Variants in TRIM67 observed in about 807,000 individuals in gnomAD.
TRIM67 encodes tripartite motif-containing protein 67.
TRIM67 carries 39 observed loss-of-function variants against 71.0 expected under a neutral mutation model. That is an observed-to-expected ratio of 0.55 (90% CI 0.43 to 0.72). The LOEUF (loss-of-function observed/expected upper bound fraction) is 0.72, where lower values mean the gene tolerates loss of function less well. Among genes scored for constraint, TRIM67 ranks in the 30% least tolerant of loss-of-function variants. The probability of loss-of-function intolerance (pLI) is 0.00; values close to 1 mark genes in which losing one functional copy is unlikely to be tolerated. For synonymous variants in TRIM67, 481 were observed against 473.9 expected, an observed-to-expected ratio of 1.01 and a Z score of -0.19; for missense variants, 973 against 1,079.2, an observed-to-expected ratio of 0.90 and a Z score of 1.38.
At chr1:231,208,527 G>A (rs921442739) in intron 7 of TRIM67, among the ~76,000 whole-genome samples, 1 of 151,866 alleles carries the variant, frequency 6.6e-6, no homozygotes, top group African/African-American at 2.4e-5. Flanking sequence ...GGCCAGGCTG[G>A]TCTCAAACCG....
intron 1 of TRIM67, among the ~76,000 whole-genome samples, chr1:231,167,930 C>T (rs894291532): frequency 1.3e-5 from 2 of 151,744 alleles, no homozygotes; most frequent in African/African-American, 4.8e-5. Context: ...ACTGTGATCA[C>T]AGGTAAAAAT....
At chr1:231,186,882 T>C (rs61163167) in intron 1 of TRIM67, among the ~76,000 whole-genome samples, 4,012 of 152,056 alleles carry the variant, frequency 0.026, 80 homozygotes, top group Middle Eastern at 0.082. Flanking sequence ...AAATGAAAGC[T>C]TGGATGATGG....
intron 1 of TRIM67, among the ~76,000 whole-genome samples, chr1:231,179,597 C>T (rs1228814793): frequency 6.6e-6 from 1 of 152,208 alleles, no homozygotes; most frequent in Non-Finnish European, 1.5e-5. Context: ...TGACCTTGAA[C>T]AGTAGGATAT....
rs1558303142 is a variant in TRIM67, at chr1:231,200,388, C to T, written c.1374+130C>T. 5 of 618,888 alleles carry T rather than the reference C, an allele frequency of 8.1e-6. No homozygotes were observed. In the East Asian group the frequency reaches 1.4e-4, roughly 17 times the overall value. 38.3% of individuals were successfully genotyped at this position (618,888 alleles called of 1,614,324 possible). ...GTAGATTCTCCTTTGTTCAATGATT[C>T]CAGAAGACCTAGGCTCTCACCTTGG... On this transcript the variant is annotated intron_variant, in intron 4 of 9. Coordinates refer to ENST00000366653, the MANE Select transcript of TRIM67 (RefSeq NM_001004342.5).
intron 1 of TRIM67, among the ~76,000 whole-genome samples, chr1:231,167,330 T>TAAGAGA (rs1558288826): frequency 1.5e-5 from 1 of 65,168 alleles, no homozygotes; most frequent in Non-Finnish European, 3.0e-5. Flanking sequence ...TTTTTTTTTT[T>TAAGAGA]TTTTTTTTTT....
rs755188751 is a variant in TRIM67, at chr1:231,163,765, G to A, written c.796G>A (p.Gly266Arg). 26 of 1,491,486 alleles carry A rather than the reference G, an allele frequency of 1.7e-5. No homozygotes were observed. In the South Asian group the frequency reaches 3.0e-4, roughly 17 times the overall value. 92.4% of individuals were successfully genotyped at this position (1,491,486 alleles called of 1,614,324 possible). Residue 266 changes from glycine to arginine, a missense_variant, in exon 1 of 10, where the codon GGG (glycine) becomes AGG (arginine). By Grantham distance (125) the Gly-to-Arg change is moderately radical (BLOSUM62 -2). Transcript: ENST00000366653. ...PPPPPAEAAS[G>R]PTGTAQGAPS... ...GCCGCCGCCCGCCGAGGCAGCCTCC[G>A]GGCCCACTGGCACCGCCCAGGGCGC...
intron 1 of TRIM67, among the ~76,000 whole-genome samples, chr1:231,168,277 G>A (rs553696832): frequency 2.6e-5 from 4 of 152,314 alleles, no homozygotes; most frequent in Admixed American, 2.0e-4. Context: ...CCTGACCAAC[G>A]TATATCATTT....
rs1045156661 is a variant in TRIM67, at chr1:231,212,943, GATA to G, written c.2124-869_2124-867del. Among the ~76,000 whole-genome samples the G allele has an allele frequency of 2.6e-4, 39 of 152,158 alleles. 1 individual carries two copies. The highest frequency in any genetic ancestry group is 8.9e-4 in the African/African-American group (37 of 41,416). ...ACGTTCCGCTATTGGTCACCTGAGG[GATA>G]ATGACTGCGACAGAGGACTTGATTT... On this transcript the variant is annotated intron_variant, in intron 8 of 9. Coordinates refer to ENST00000366653, the MANE Select transcript of TRIM67 (RefSeq NM_001004342.5).
At position 231,218,761 on chromosome 1, in the gene TRIM67, C is replaced by A. The variant is rs1325708166; in HGVS notation, c.*3321C>A. On this transcript the variant is annotated 3_prime_UTR_variant, in exon 10 of 10. Transcript: ENST00000366653. ...AACAGCGCCCTAGGTGCCCTATGGC[C>A]CACCAAGTTTGAGGAGGGTGGTGCT... 1.2e-5 allele frequency: 12 copies of A among 985,412 alleles called. No homozygotes were observed. The East Asian group carries it at 1.2e-3, about 102-fold the overall frequency. The allele number at this position is 985,412 out of a possible 1,614,324, so 61.0% of individuals were successfully genotyped here.
chr1:231,189,287 A>G (rs934638376), intron 1 of TRIM67, among the ~76,000 whole-genome samples: 10 of 152,286 alleles, frequency 6.6e-5, no homozygotes, highest in African/African-American at 2.4e-4. Context: ...GCCTCCAAGG[A>G]CGACATCCAT....
In TRIM67 at chr1:231,221,363, C is replaced by A. The variant is rs3795652; in HGVS notation, c.*5923C>A. On this transcript the variant is annotated 3_prime_UTR_variant, in exon 10 of 10. Coordinates refer to ENST00000366653, the MANE Select transcript of TRIM67 (RefSeq NM_001004342.5). ...GTTCCACTGAAAACACGGGGGGTAG[C>A]GGGGAGTGGTAAGGAAAGCAACTTT... The A allele has an allele frequency of 1.3e-5, 2 of 152,258 alleles. No homozygotes were observed. Among genetic ancestry groups the A allele is most frequent in the East Asian group, 3.9e-4 (2 of 5,136 alleles). The allele number at this position is 152,258 out of a possible 1,614,324, so 9.4% of individuals were successfully genotyped here. A position where few individuals can be genotyped will look rare whatever the true frequency, so the allele number is the denominator to read the frequency against.
At position 231,209,036 on chromosome 1, in the gene TRIM67, G is replaced by T; in HGVS notation, c.1909G>T (p.Asp637Tyr). 6.2e-7 allele frequency: 1 copy of T among 1,613,484 alleles called. No homozygotes were observed. Among genetic ancestry groups the T allele is most frequent in the East Asian group, 2.2e-5 (1 of 44,858 alleles). ...GACAGCCACCTGCAGCAGCTATGACGACCGGGTGGTGCTGGGCACAGCTGC... is the reference window on the plus strand; with the variant it reads ...GACAGCCACCTGCAGCAGCTATGACTACCGGGTGGTGCTGGGCACAGCTGC... ...NQTATCSSYD[D>Y]RVVLGTAAFS... The change falls in exon 8 of 10, where the codon GAC (aspartate) becomes TAC (tyrosine). Residue 637 changes from aspartate (D) to tyrosine (Y), a missense_variant. Asp to Tyr is a radical substitution (Grantham distance 160). Transcript: ENST00000366653. The surrounding 1 kb of genome is among the most constrained non-coding windows in gnomAD (Gnocchi z 4.1).
At chr1:231,167,319 C>CTTTCTTTTTTTTTTTTTTTTT (rs1682497197) in intron 1 of TRIM67, among the ~76,000 whole-genome samples, 1 of 51,832 alleles carries the variant, frequency 1.9e-5, no homozygotes, top group African/African-American at 9.4e-5. Flanking sequence ...ACTCTAATGT[C>CTTTCTTTTTTTTTTTTTTTTT]TTTTTTTTTT....
intron 1 of TRIM67, among the ~76,000 whole-genome samples, chr1:231,171,041 A>G (rs990621202): frequency 1.3e-5 from 2 of 152,218 alleles, no homozygotes; most frequent in Non-Finnish European, 2.9e-5. Flanking sequence ...TTGCATGTAC[A>G]TTAAACTTTG....
chr1:231,163,638 C>A lies in TRIM67; in HGVS notation c.669C>A (p.Cys223Ter), dbSNP rs367644344. The stretch of plus-strand genomic sequence containing the variant: ...CGCCAGAGCCAGCAGCCACGCTCTG[C>A]GAGCAGTGCGACGTCCTCTACTGCT... ...RTPPEPAATL[C>*]EQCDVLYCSA... Residue 223 changes from cysteine to a stop codon, truncating the protein, a stop_gained, in exon 1 of 10, where the codon TGC becomes TGA. Transcript: ENST00000366653. LOFTEE classifies it high-confidence loss of function. The A allele has an allele frequency of 2.4e-5, 37 of 1,523,726 alleles. No homozygotes were observed. Among genetic ancestry groups the A allele is most frequent in the Non-Finnish European group, 3.2e-5 (36 of 1,138,256 alleles). 94.4% of individuals were successfully genotyped at this position (1,523,726 alleles called of 1,614,324 possible).
At chr1:231,198,425 C>T (rs963418298) in intron 2 of TRIM67, among the ~76,000 whole-genome samples, 11 of 151,970 alleles carry the variant, frequency 7.2e-5, no homozygotes, top group Non-Finnish European at 1.5e-4. Flanking sequence ...CTCACTCTGT[C>T]GCCCAGGCTA....
chr1:231,203,877 C>G lies in TRIM67; in HGVS notation c.1545C>G (p.Val515=). The change falls in exon 6 of 10, where the codon GTC becomes GTG. Residue 515 remains valine (V), a synonymous_variant. Transcript: ENST00000366653. ...FIQMKCRVPP[V]PLLQLEKCCT... ...GTGTCCCCCTCGCAGTGCCACCCGT[C>G]CCCCTACTGCAGCTGGAGAAATGCT... 1 of 1,613,496 alleles carries G rather than the reference C, an allele frequency of 6.2e-7. No homozygotes were observed. The highest frequency in any genetic ancestry group is 8.5e-7 in the Non-Finnish European group (1 of 1,179,796).
At chr1:231,185,003 G>A in intron 1 of TRIM67, 2 of 1,532,560 alleles carry the variant, frequency 1.3e-6, no homozygotes, top group Non-Finnish European at 1.7e-6. Context: ...TGGCCGGCAG[G>A]TTGGGGAGGG....
chr1:231,191,452 G>A (rs985006678), intron 1 of TRIM67, among the ~76,000 whole-genome samples: 2 of 152,172 alleles, frequency 1.3e-5, no homozygotes, highest in Admixed American at 6.5e-5. Context: ...CGCTCTCCGC[G>A]GACTGGCAAG....
Sources: gnomAD v4.1 joint callset for allele counts (sites outside exome capture counted in the v4.1 genomes callset) on GRCh38, gnomAD v4.1.1 for gene constraint, Gnocchi (gnomAD v3.1) non-coding constraint, MANE v1.5 for transcripts, NCBI Gene and HGNC (gene_info 2026-07-23, HGNC 2026-07-21) for gene names.